IL7R: variants seen among roughly 807,000 people sequenced by gnomAD.
IL7R encodes interleukin-7 receptor subunit alpha.
IL7R carries 38 observed loss-of-function variants against 47.0 expected under a neutral mutation model. That is an observed-to-expected ratio of 0.81 (90% CI 0.62 to 1.06). The LOEUF is 1.06. Among genes scored for constraint, IL7R ranks in the 50% least tolerant of loss-of-function variants. The pLI, the probability that IL7R is intolerant of heterozygous loss-of-function variation, is 0.00. For synonymous variants in IL7R, 221 were observed against 199.8 expected (o/e 1.11, Z -0.89); for missense variants, 633 against 534.8 (o/e 1.18, Z -1.81).
rs1760195020 is a variant in IL7R, at chr5:35,875,966, C to T, written c.877-17C>T. On this transcript the variant is annotated splice_polypyrimidine_tract_variant and intron_variant, in intron 7 of 7. Coordinates refer to ENST00000303115, the MANE Select transcript of IL7R (RefSeq NM_002185.5). ...CTCTGGTGCCATCTTAATACCCTTT[C>T]TCCTTTTTCTGTGCAGAATTTAAAT... The T allele has an allele frequency of 6.2e-7, 1 of 1,608,310 alleles. No individual in the cohort carries two copies. The highest frequency in any genetic ancestry group is 2.2e-5 in the East Asian group (1 of 44,872).
In IL7R at chr5:35,875,497, G is replaced by A; in HGVS notation, c.801-15G>A. On this transcript the variant is annotated splice_polypyrimidine_tract_variant and intron_variant, in intron 6 of 7. Transcript: ENST00000303115. ...TCTGCCATTCACTTCATCTATCAAT[G>A]TTCTCTGATTTCAGGATTAAGCCTA... 1 of 1,584,816 alleles carries A rather than the reference G, an allele frequency of 6.3e-7. No individual in the cohort carries two copies. Among genetic ancestry groups the A allele is most frequent in the East Asian group, 2.2e-5 (1 of 44,738 alleles).
chr5:35,868,391 TTCAC>T (rs985194521), intron 3 of IL7R, among the ~76,000 whole-genome samples: 7 of 152,370 alleles, frequency 4.6e-5, no homozygotes, highest in African/African-American at 1.7e-4. Flanking sequence ...TCAGTTTTGT[TTCAC>T]TAAGATGATA....
In IL7R at chr5:35,856,894, C is replaced by T. The variant is rs200523830; in HGVS notation, c.-84C>T. On this transcript the variant is annotated 5_prime_UTR_variant, in exon 1 of 8. Transcript: ENST00000303115. ...CCCTAGATCTAAGCTTCTCTGTCTT[C>T]CTCCCTCCCTCCCTTCCTCTTACTC... 4.9e-6 allele frequency: 4 copies of T among 816,170 alleles called. 1 individual carries two copies. The highest frequency in any genetic ancestry group is 4.0e-5 in the South Asian group (3 of 74,972). The allele number at this position is 816,170 out of a possible 1,614,324, so 50.6% of individuals were successfully genotyped here.
At chr5:35,863,609 G>A (rs750181854) in intron 2 of IL7R, among the ~76,000 whole-genome samples, 8 of 152,066 alleles carry the variant, frequency 5.3e-5, no homozygotes, top group Non-Finnish European at 1.0e-4. Flanking sequence ...TTTCATATAC[G>A]CAAACTTACC....
At chr5:35,857,104 G>A (rs1357753743) in intron 1 of IL7R, 45 bp downstream of exon 1, 2 of 1,249,366 alleles carry the variant, frequency 1.6e-6, no homozygotes, top group East Asian at 2.3e-5. Context: ...ATTATCTGTA[G>A]CATGGTTTCA....
chr5:35,874,343 A>G, intron 5 of IL7R, 106 bp from the exon 6 acceptor site: 2 of 832,932 alleles, frequency 2.4e-6, no homozygotes, highest in Admixed American at 1.7e-5. Flanking sequence ...AACTTTCAGG[A>G]AATAATAAGT....
intron 6 of IL7R, 37 bp from the exon 7 acceptor site, chr5:35,875,475 G>A (rs780909347): frequency 1.4e-6 from 2 of 1,399,140 alleles, no homozygotes; most frequent in Non-Finnish European, 2.0e-6. Flanking sequence ...TGTGCCCTCT[G>A]CCATTCACTT....
At position 35,860,949 on chromosome 5, in the gene IL7R, G is replaced by A. The variant is rs2149895713; in HGVS notation, c.180G>A (p.Glu60=). 6.2e-7 allele frequency: 1 copy of A among 1,613,648 alleles called. No individual in the cohort carries two copies. Among genetic ancestry groups the A allele is most frequent in the South Asian group, 1.1e-5 (1 of 91,072 alleles). Residue 60 remains glutamate, a synonymous_variant, in exon 2 of 8, where the codon GAG becomes GAA. Coordinates refer to ENST00000303115, the MANE Select transcript of IL7R (RefSeq NM_002185.5). ...AGCACTCACTGACCTGTGCTTTTGAGGACCCAGATGTCAACATCACCAATC... is the reference window on the plus strand; with the variant it reads ...AGCACTCACTGACCTGTGCTTTTGAAGACCCAGATGTCAACATCACCAATC... ...GSQHSLTCAF[E]DPDVNITNLE...
intron 2 of IL7R, among the ~76,000 whole-genome samples, chr5:35,865,035 T>A (rs912661601): frequency 2.6e-4 from 40 of 152,176 alleles, no homozygotes; most frequent in African/African-American, 9.2e-4. Flanking sequence ...TATGTATACA[T>A]GTGCCATGTT....
chr5:35,867,134 C>A (rs1561421386), intron 2 of IL7R, among the ~76,000 whole-genome samples, 172 bp from the exon 3 acceptor site: 1 of 151,980 alleles, frequency 6.6e-6, no homozygotes, highest in Non-Finnish European at 1.5e-5. Flanking sequence ...CAGCAGAAAG[C>A]CATAAGATTT....
rs190977576 is a variant in IL7R, at chr5:35,874,427, A to G, written c.707-22A>G. The G allele has an allele frequency of 3.9e-4, 600 of 1,545,122 alleles. 22 individuals carry two copies. The Admixed American group carries it at 9.6e-3, about 25-fold the overall frequency. Reference sequence around the variant, plus strand: ...ACTGCATGGCTACTGAATGCTCACCACAATCTATTCTTGCTTTCCAGGGGA... The same window carrying G: ...ACTGCATGGCTACTGAATGCTCACCGCAATCTATTCTTGCTTTCCAGGGGA... On this transcript the variant is annotated intron_variant, in intron 5 of 7. Coordinates refer to ENST00000303115, the MANE Select transcript of IL7R (RefSeq NM_002185.5).
Position 35,876,345 on chromosome 5 carries a change from C to G in IL7R, c.1239C>G (p.Ser413Arg), listed in dbSNP as rs1332910498. Residue 413 changes from serine to arginine, a missense_variant, in exon 8 of 8, where the codon AGC (serine) becomes AGG (arginine). Transcript: ENST00000303115. The part of the protein sequence containing the change: ...DLLLSLGTTN[S>R]TLPPPFSLQS... ...TGCTTAGCCTTGGGACTACAAACAG[C>G]ACGCTGCCCCCTCCATTTTCTCTCC... The G allele has an allele frequency of 2.5e-6, 4 of 1,612,970 alleles. No homozygotes were observed. The East Asian group carries it at 8.9e-5, about 36-fold the overall frequency.
At chr5:35,864,564 C>A (rs185575276) in intron 2 of IL7R, among the ~76,000 whole-genome samples, 3 of 152,092 alleles carry the variant, frequency 2.0e-5, no homozygotes, top group African/African-American at 7.2e-5. Flanking sequence ...GTTTTTAATT[C>A]GCATTTGTCA....
At chr5:35,872,375 T>C (rs1760092180) in intron 4 of IL7R, among the ~76,000 whole-genome samples, 1 of 152,176 alleles carries the variant, frequency 6.6e-6, no homozygotes, top group Non-Finnish European at 1.5e-5. Flanking sequence ...ATTTTTGTAT[T>C]TTTGTAGAGC....
At chr5:35,872,756 A>G (rs1466262536) in intron 4 of IL7R, among the ~76,000 whole-genome samples, 1 of 152,214 alleles carries the variant, frequency 6.6e-6, no homozygotes, top group Non-Finnish European at 1.5e-5. Context: ...ACAATAATCA[A>G]AAATCAAAAA....
At chr5:35,867,706 T>A (rs1561421793) in intron 3 of IL7R, 1 of 611,180 alleles carries the variant, frequency 1.6e-6, no homozygotes, top group East Asian at 2.7e-5. Flanking sequence ...CAAACCTACA[T>A]GAAGTGGCTA....
intron 4 of IL7R, among the ~76,000 whole-genome samples, chr5:35,871,946 T>C (rs1760083532): frequency 6.6e-6 from 1 of 152,190 alleles, no homozygotes. Flanking sequence ...CTTGCTGTCC[T>C]GTTTTTTCAG....
At chr5:35,867,182 C>A in intron 2 of IL7R, 124 bp from the exon 3 acceptor site, 1 of 808,942 alleles carries the variant, frequency 1.2e-6, no homozygotes, top group Non-Finnish European at 2.1e-6. Flanking sequence ...TGCCTCCACT[C>A]ACCCACCCAC....
At chr5:35,867,233 G>T in intron 2 of IL7R, 73 bp from the exon 3 acceptor site, 1 of 1,313,016 alleles carries the variant, frequency 7.6e-7, no homozygotes. Flanking sequence ...ACATCAATGT[G>T]CATATGATAC....
Sources: allele counts gnomAD v4.1 joint callset (sites outside exome capture counted in the v4.1 genomes callset), GRCh38; gene constraint gnomAD v4.1.1; transcripts MANE v1.5; gene names NCBI Gene and HGNC (gene_info 2026-07-23, HGNC 2026-07-21).